The following ETV6 variants were observed in gnomAD, a reference collection of about 807,000 sequenced individuals.
ETV6 encodes the protein transcription factor ETV6.
A neutral mutation model predicts 51.1 loss-of-function variants in ETV6; 16 were observed. That is an observed-to-expected ratio of 0.31 (90% CI 0.21 to 0.48). The LOEUF (loss-of-function observed/expected upper bound fraction) is 0.48, where lower values mean the gene tolerates loss of function less well. Ranked by LOEUF, ETV6 falls within the 20% of genes least tolerant of loss-of-function variation. ETV6 has a pLI of 0.99. For synonymous variants in ETV6, 240 were observed against 224.1 expected (o/e 1.07, Z -0.64); for missense variants, 458 against 594.8 (o/e 0.77, Z 2.39).
chr12:11,772,609 A>T (rs1392263672), intron 2 of ETV6, among the ~76,000 whole-genome samples: 1 of 152,214 alleles, frequency 6.6e-6, no homozygotes, highest in African/African-American at 2.4e-5. Flanking sequence ...AATTGATTGC[A>T]TATTTCCTCT....
At chr12:11,822,567 G>A (rs937026291) in intron 2 of ETV6, among the ~76,000 whole-genome samples, 8 of 152,268 alleles carry the variant, frequency 5.3e-5, no homozygotes, top group East Asian at 3.9e-4. Flanking sequence ...GTCCTGCTGC[G>A]GGCTTGCTTT....
intron 1 of ETV6, among the ~76,000 whole-genome samples, chr12:11,735,547 A>G (rs910350160): frequency 4.6e-5 from 7 of 152,234 alleles, no homozygotes; most frequent in African/African-American, 2.4e-5. Flanking sequence ...CTTTGCTATC[A>G]GTAGGCTCTG....
At chr12:11,884,694 C>T in intron 6 of ETV6, 107 bp downstream of exon 6, 1 of 1,389,658 alleles carries the variant, frequency 7.2e-7, no homozygotes, top group African/African-American at 1.4e-5. Flanking sequence ...TCTGCCCATA[C>T]TTATTTAGTT....
At chr12:11,658,370 G>A (rs1180834921) in intron 1 of ETV6, among the ~76,000 whole-genome samples, 2 of 152,190 alleles carry the variant, frequency 1.3e-5, no homozygotes, top group Admixed American at 6.5e-5. Flanking sequence ...TGAGTAGCTG[G>A]GATTACAGCT....
intron 4 of ETV6, among the ~76,000 whole-genome samples, chr12:11,854,731 G>A (rs1946605660): frequency 6.6e-6 from 1 of 152,100 alleles, no homozygotes; most frequent in African/African-American, 2.4e-5. Flanking sequence ...GGAAAGAAAT[G>A]GGAAGTCATT....
rs935511428 is a variant in ETV6 at position 11,883,587 on chromosome 12, G to A, written c.1010-858G>A. 3.9e-5 allele frequency among the ~76,000 whole-genome samples: 6 copies of A among 151,936 alleles called. No individual in the cohort carries two copies. The East Asian group carries it at 7.7e-4, about 20-fold the overall frequency. On this transcript the variant is annotated intron_variant, in intron 5 of 7. Coordinates refer to ENST00000396373, the MANE Select transcript of ETV6 (RefSeq NM_001987.5). ...TGGGATTACAGGCGTGAGCCACCAC[G>A]CCCGGCCATGTCTTCTCTTTTAATT...
At chr12:11,742,089 A>G (rs1018269391) in intron 1 of ETV6, among the ~76,000 whole-genome samples, 7 of 152,228 alleles carry the variant, frequency 4.6e-5, no homozygotes, top group African/African-American at 1.7e-4. Flanking sequence ...AGTTTTAATG[A>G]AGGCACAGAA....
At chr12:11,660,951 A>G (rs1240587343) in intron 1 of ETV6, among the ~76,000 whole-genome samples, 4 of 152,172 alleles carry the variant, frequency 2.6e-5, no homozygotes, top group Non-Finnish European at 5.9e-5. Context: ...TTTTGGAAAA[A>G]TGGCACATCT....
At chr12:11,836,453 T>C (rs915665590) in intron 2 of ETV6, among the ~76,000 whole-genome samples, 4 of 152,158 alleles carry the variant, frequency 2.6e-5, no homozygotes, top group African/African-American at 9.7e-5. Flanking sequence ...GTTCCTCTTG[T>C]ACATAAGCCG....
intron 1 of ETV6, among the ~76,000 whole-genome samples, chr12:11,665,702 T>C (rs747838817): frequency 4.1e-4 from 62 of 152,206 alleles, no homozygotes; most frequent in Non-Finnish European, 1.0e-4. Flanking sequence ...GAGCAAATAC[T>C]CTGTGAGGGT....
intron 1 of ETV6, among the ~76,000 whole-genome samples, chr12:11,696,091 T>G (rs1157746343): frequency 6.6e-6 from 1 of 151,926 alleles, no homozygotes; most frequent in Non-Finnish European, 1.5e-5. Flanking sequence ...AGGAGAAAAA[T>G]AGAGAGTTTA....
chr12:11,883,257 G>A (rs1947128398), intron 5 of ETV6, among the ~76,000 whole-genome samples: 2 of 137,136 alleles, frequency 1.5e-5, no homozygotes, highest in South Asian at 2.3e-4. Flanking sequence ...CAAGGGGAAG[G>A]TGTACATCAT....
intron 2 of ETV6, among the ~76,000 whole-genome samples, chr12:11,817,557 T>A (rs1946011218): frequency 6.6e-6 from 1 of 152,228 alleles, no homozygotes; most frequent in Non-Finnish European, 1.5e-5. Flanking sequence ...ATGATCTCAG[T>A]GTCTACTTAA....
intron 5 of ETV6, among the ~76,000 whole-genome samples, chr12:11,879,353 CT>C (rs1947050122): frequency 6.6e-6 from 1 of 152,162 alleles, no homozygotes; most frequent in South Asian, 2.1e-4. Flanking sequence ...AATAATTTGA[CT>C]TTCCTACTCA....
chr12:11,783,567 G>A (rs571185475), intron 2 of ETV6, among the ~76,000 whole-genome samples: 2 of 152,166 alleles, frequency 1.3e-5, no homozygotes, highest in Non-Finnish European at 2.9e-5. Context: ...TTAATGGACG[G>A]TATTTAGCCA....
intron 2 of ETV6, among the ~76,000 whole-genome samples, chr12:11,830,832 G>A (rs914937753): frequency 2.6e-5 from 4 of 152,200 alleles, no homozygotes; most frequent in Admixed American, 2.0e-4. Context: ...GCATTGAGGA[G>A]CATTGCTAAT....
intron 1 of ETV6, chr12:11,751,904 C>T (rs1866037043): frequency 3.0e-5 from 14 of 471,864 alleles, no homozygotes; most frequent in South Asian, 1.7e-4. Context: ...GATAGGTGGA[C>T]AATAGAAAAA....
At chr12:11,858,284 A>G (rs1411517668) in intron 4 of ETV6, among the ~76,000 whole-genome samples, 3 of 152,224 alleles carry the variant, frequency 2.0e-5, no homozygotes, top group Non-Finnish European at 4.4e-5. Flanking sequence ...CTTTAGAAAT[A>G]TCAAAGCAGT....
chr12:11,708,557 C>G (rs1865114544), intron 1 of ETV6, among the ~76,000 whole-genome samples: 1 of 152,206 alleles, frequency 6.6e-6, no homozygotes, highest in Non-Finnish European at 1.5e-5. Flanking sequence ...TGTGTACATT[C>G]CCTTCTACAA....
Sources: allele counts gnomAD v4.1 joint callset (sites outside exome capture counted in the v4.1 genomes callset), GRCh38; gene constraint gnomAD v4.1.1; transcripts MANE v1.5; gene names NCBI Gene and HGNC (gene_info 2026-07-23, HGNC 2026-07-21).